Variants in AMPH observed in about 807,000 individuals in gnomAD.
AMPH encodes amphiphysin (Stiff-Mann syndrome with breast cancer 128kD autoantigen).
In AMPH, 49 loss-of-function variants were observed where a neutral mutation model predicts 99.1. That is an observed-to-expected ratio of 0.49 (90% confidence interval 0.39 to 0.63). AMPH has a LOEUF of 0.63. Ranked by LOEUF, AMPH falls within the 20% of genes least tolerant of loss-of-function variation. AMPH has a pLI of 0.00. For missense variants in AMPH, 759 were observed against 863.4 expected (o/e 0.88, Z 1.52); for synonymous variants, 314 against 317.3 (o/e 0.99, Z 0.11).
chr7:38,437,582 C>T (rs1242516294), intron 11 of AMPH, among the ~76,000 whole-genome samples: 1 of 140,554 alleles, frequency 7.1e-6, no homozygotes, highest in Admixed American at 7.7e-5. Flanking sequence ...GAGATTGAGA[C>T]CATCCTGGCT....
At chr7:38,422,550 CTACG>C (rs1785617868) in intron 15 of AMPH, 73 bp from the exon 16 acceptor site, 2 of 1,023,234 alleles carry the variant, frequency 2.0e-6, no homozygotes, top group Admixed American at 1.8e-5. Flanking sequence ...TTGTGTCTGC[CTACG>C]TATCTATCTA....
In AMPH at chr7:38,384,069, C is replaced by G. The variant is rs1227509100; in HGVS notation, c.*749G>C. The G allele has an allele frequency of 6.6e-6, 1 of 152,328 alleles. No homozygotes were observed. Among genetic ancestry groups the G allele is most frequent in the Non-Finnish European group, 1.5e-5 (1 of 68,050 alleles). 9.4% of individuals were successfully genotyped at this position (152,328 alleles called of 1,614,324 possible). A position where few individuals can be genotyped will look rare whatever the true frequency, so the allele number is the denominator to read the frequency against. ...TAGTCGTGCTATCTGTCATCTCATC[C>G]TGAAAACTGCACAGTACAAACACAG... On this transcript the variant is annotated 3_prime_UTR_variant, in exon 21 of 21. Coordinates refer to ENST00000356264, the MANE Select transcript of AMPH (RefSeq NM_001635.4).
intron 1 of AMPH, among the ~76,000 whole-genome samples, chr7:38,538,895 T>C (rs1352030055): frequency 6.6e-6 from 1 of 152,066 alleles, no homozygotes; most frequent in Non-Finnish European, 1.5e-5. Context: ...CAGGTAGAGA[T>C]ATGGTAAATA....
chr7:38,539,212 C>T (rs911687689), intron 1 of AMPH, among the ~76,000 whole-genome samples: 2 of 152,166 alleles, frequency 1.3e-5, no homozygotes, highest in Non-Finnish European at 2.9e-5. Context: ...ACCAAAAGCC[C>T]TGAAAGTGTC....
At chr7:38,393,907 T>C in intron 18 of AMPH, 98 bp downstream of exon 18, 2 of 1,142,680 alleles carry the variant, frequency 1.8e-6, no homozygotes, top group Admixed American at 3.7e-5. Flanking sequence ...TACAAACCTA[T>C]TATACATCCA....
intron 1 of AMPH, among the ~76,000 whole-genome samples, chr7:38,612,906 C>T (rs756872717): frequency 6.6e-6 from 1 of 152,156 alleles, no homozygotes; most frequent in African/African-American, 2.4e-5. Context: ...AGGTTAAAAG[C>T]ATATAAATAT....
intron 6 of AMPH, among the ~76,000 whole-genome samples, chr7:38,475,994 C>T (rs1360805190): frequency 6.6e-6 from 1 of 152,128 alleles, no homozygotes; most frequent in African/African-American, 2.4e-5. Context: ...CACTGTGTAC[C>T]TCACAGGTTG....
chr7:38,628,642 G>A (rs1203125347), intron 1 of AMPH, among the ~76,000 whole-genome samples: 1 of 152,212 alleles, frequency 6.6e-6, no homozygotes. Context: ...ATACAGCAAT[G>A]AGCCTGTTTT....
intron 10 of AMPH, 21 bp downstream of exon 10, chr7:38,462,954 A>G (rs1787507870): frequency 6.5e-7 from 1 of 1,532,636 alleles, no homozygotes; most frequent in Non-Finnish European, 8.8e-7. Context: ...CTATCCCCCA[A>G]TATATTTGAC....
intron 1 of AMPH, among the ~76,000 whole-genome samples, chr7:38,554,843 G>A (rs897370804): frequency 4.6e-5 from 7 of 152,166 alleles, no homozygotes; most frequent in African/African-American, 1.4e-4. Context: ...GTTTAGATAC[G>A]GCTAAGCCAG....
chr7:38,399,580 T>G (rs746311877), intron 17 of AMPH, among the ~76,000 whole-genome samples: 3 of 152,238 alleles, frequency 2.0e-5, no homozygotes, highest in Non-Finnish European at 2.9e-5. Context: ...TGCATTTCAA[T>G]TTGTTAGCTA....
intron 7 of AMPH, among the ~76,000 whole-genome samples, chr7:38,471,135 C>T (rs1787868491): frequency 6.6e-6 from 1 of 152,138 alleles, no homozygotes; most frequent in Admixed American, 6.5e-5. Flanking sequence ...TGATCCCTAT[C>T]TTTCTCCTGC....
chr7:38,599,518 CT>C (rs1793171966), intron 1 of AMPH, among the ~76,000 whole-genome samples: 1 of 152,154 alleles, frequency 6.6e-6, no homozygotes, highest in Non-Finnish European at 1.5e-5. Context: ...TGCTAATCAA[CT>C]GTTTGTACTA....
At chr7:38,385,724 C>T (rs1235551377) in intron 20 of AMPH, among the ~76,000 whole-genome samples, 1 of 152,106 alleles carries the variant, frequency 6.6e-6, no homozygotes, top group Non-Finnish European at 1.5e-5. Flanking sequence ...GGGTAAAGAA[C>T]CCATCCATAT....
At chr7:38,412,449 C>T (rs1409182351) in intron 17 of AMPH, among the ~76,000 whole-genome samples, 2 of 152,162 alleles carry the variant, frequency 1.3e-5, no homozygotes, top group Non-Finnish European at 2.9e-5. Context: ...AAATCACACT[C>T]CAGAAGGCAG....
At chr7:38,520,702 T>C (rs751154487) in intron 2 of AMPH, among the ~76,000 whole-genome samples, 72 of 152,168 alleles carry the variant, frequency 4.7e-4, no homozygotes, top group Non-Finnish European at 7.2e-4. Flanking sequence ...AGAATATTCC[T>C]TGTGAGTTGA....
At chr7:38,436,995 A>G (rs1786291888) in intron 11 of AMPH, among the ~76,000 whole-genome samples, 2 of 152,182 alleles carry the variant, frequency 1.3e-5, no homozygotes, top group Admixed American at 1.3e-4. Context: ...CGGGAGGGAG[A>G]GAGGAGAGAG....
intron 1 of AMPH, among the ~76,000 whole-genome samples, chr7:38,555,971 G>A (rs1791348566): frequency 6.6e-6 from 1 of 151,994 alleles, no homozygotes; most frequent in Non-Finnish European, 1.5e-5. Flanking sequence ...GAGCTTGTGG[G>A]GAAGGAGGAG....
chr7:38,524,819 A>G (rs537184971), intron 2 of AMPH, among the ~76,000 whole-genome samples: 1 of 152,290 alleles, frequency 6.6e-6, no homozygotes, highest in African/African-American at 2.4e-5. Flanking sequence ...TGATGTGGCA[A>G]TATGGGGCCC....
Sources: gnomAD v4.1 joint callset for allele counts (sites outside exome capture counted in the v4.1 genomes callset) on GRCh38, gnomAD v4.1.1 for gene constraint, MANE v1.5 for transcripts, NCBI Gene and HGNC (gene_info 2026-07-23, HGNC 2026-07-21) for gene names.